The following FLNA variants were observed in gnomAD, a reference collection of about 807,000 sequenced individuals.
The protein encoded by FLNA is filamin A.
In FLNA, 7 loss-of-function variants were observed where a neutral mutation model predicts 157.6. The ratio of observed to expected loss-of-function variants is 0.04; its 90% CI spans 0.03 to 0.08. FLNA has a LOEUF of 0.08. Among genes scored for constraint, FLNA ranks in the 10% least tolerant of loss-of-function variants. The pLI is 1.00. For synonymous variants in FLNA, 1,103 were observed against 1,060.8 expected (o/e 1.04, Z -0.77); for missense variants, 1,750 against 2,398.4 (o/e 0.73, Z 5.65).
chrX:154,352,862 G>A lies in FLNA; in HGVS notation c.6289C>T (p.Leu2097=), dbSNP rs782255283. 2 of 1,211,802 alleles carry A rather than the reference G, an allele frequency of 1.7e-6. No homozygotes were observed. Among genetic ancestry groups the A allele is most frequent in the Admixed American group, 4.3e-5 (2 of 46,117 alleles). ...GTGACCCTGCACGTCCCGTCCTCCA[G>A]GTCCTCTGTGTTGATGTCCACCTTG... ...PSKVDINTED[L]EDGTCRVTYC... The change falls in exon 39 of 48, where the codon CTG becomes TTG. Residue 2097 remains leucine, a synonymous_variant. Coordinates refer to ENST00000369850, the MANE Select transcript of FLNA (RefSeq NM_001110556.2).
rs1603359075 is a variant in FLNA, at chrX:154,352,167, G to A, written c.6769+14C>T. 3 of 1,210,201 alleles carry A rather than the reference G, an allele frequency of 2.5e-6. No homozygotes were observed. Among genetic ancestry groups the A allele is most frequent in the East Asian group, 3.0e-5 (1 of 33,856 alleles). On this transcript the variant is annotated intron_variant, in intron 41 of 47. Coordinates refer to ENST00000369850, the MANE Select transcript of FLNA (RefSeq NM_001110556.2). Reference sequence around the variant, plus strand: ...ACGCAGGAGAGCGAGCACTCGGGGTGTGAGCAGGCCTACCTGGCACTCCAG... The same window carrying A: ...ACGCAGGAGAGCGAGCACTCGGGGTATGAGCAGGCCTACCTGGCACTCCAG...
intron 35 of FLNA, 54 bp downstream of exon 35, chrX:154,353,861 C>A: frequency 8.3e-7 from 1 of 1,208,329 alleles, no homozygotes; most frequent in Non-Finnish European, 1.1e-6. Context: ...CAGCCCTTAC[C>A]CCGGTGAGGG....
At chrX:154,357,182 C>T (rs1338475637) in intron 30 of FLNA, 69 bp downstream of exon 30, 1 of 1,054,506 alleles carries the variant, frequency 9.5e-7, no homozygotes, top group Non-Finnish European at 1.3e-6. Context: ...GGGAATCGGC[C>T]CCAAGAGGAA....
In FLNA at chrX:154,364,978, C is replaced by T. The variant is rs370370918; in HGVS notation, c.1692-21G>A. On this transcript the variant is annotated intron_variant, in intron 11 of 47. Transcript: ENST00000369850. ...AGGGACTGCAAATGCGAGAGCCACA[C>T]AGGGAACACCGAGGATCACCACATG... 2.7e-5 allele frequency: 33 copies of T among 1,209,655 alleles called. No individual in the cohort carries two copies. In the African/African-American group the frequency reaches 5.6e-4, roughly 20 times the overall value.
chrX:154,373,779 C>T (rs1043047564), intron 1 of FLNA, among the ~76,000 whole-genome samples: 11 of 113,363 alleles, frequency 9.7e-5, no homozygotes, highest in African/African-American at 3.5e-4. Flanking sequence ...CAGGTGAGGT[C>T]GCCCATTCCC....
At chrX:154,363,995 A>C in intron 15 of FLNA, 27 bp downstream of exon 15, 1 of 1,206,149 alleles carries the variant, frequency 8.3e-7, no homozygotes, top group Non-Finnish European at 1.1e-6. Context: ...ATCGAGATGG[A>C]CTAAAGGCCG....
chrX:154,350,265 T>C lies in FLNA; in HGVS notation c.7157-58A>G, dbSNP rs2067608877. The C allele has an allele frequency of 6.5e-6, 7 of 1,072,079 alleles. No individual in the cohort carries two copies. The Admixed American group carries it at 1.5e-4, about 23-fold the overall frequency. The allele number at this position is 1,072,079 out of a possible 1,213,427, so 88.4% of individuals were successfully genotyped here. A position where few individuals can be genotyped will look rare whatever the true frequency, so the allele number is the denominator to read the frequency against. On this transcript the variant is annotated intron_variant, in intron 44 of 47. Transcript: ENST00000369850. Reference sequence around the variant, plus strand: ...GGCCCCTCCTCAAACCAGCAGATGGTGTCTGTGAGGAACAGCCTCAACCCT... The same window carrying C: ...GGCCCCTCCTCAAACCAGCAGATGGCGTCTGTGAGGAACAGCCTCAACCCT...
chrX:154,358,652 G>A (rs2067681041), intron 26 of FLNA, 84 bp from the exon 27 acceptor site: 2 of 1,099,956 alleles, frequency 1.8e-6, no homozygotes, highest in Admixed American at 2.2e-5. Context: ...CCAGGACCCA[G>A]CCCCAGGCCT....
At chrX:154,364,994 T>C (rs1569551796) in intron 11 of FLNA, 37 bp from the exon 12 acceptor site, 2 of 1,210,410 alleles carry the variant, frequency 1.7e-6, no homozygotes, top group Non-Finnish European at 1.1e-6. Context: ...ACACCGAGGA[T>C]CACCACATGA....
Position 154,350,835 on chromosome X carries a change from G to A in FLNA, c.7156+74C>T, listed in dbSNP as rs1400908473. The stretch of plus-strand genomic sequence containing the variant: ...CCCCGTCTTGGCTGCTTACAGAAGC[G>A]GTACCTTCCTTTTGTACTCTCAGCC... On this transcript the variant is annotated intron_variant, in intron 44 of 47. Transcript: ENST00000369850. 2.4e-5 allele frequency: 27 copies of A among 1,140,167 alleles called. 1 individual carries two copies. The Admixed American group carries it at 4.4e-4, about 18-fold the overall frequency. 94.0% of individuals were successfully genotyped at this position (1,140,167 alleles called of 1,213,427 possible).
intron 2 of FLNA, among the ~76,000 whole-genome samples, chrX:154,368,397 A>G (rs1485387121): frequency 1.8e-5 from 2 of 112,325 alleles, no homozygotes; most frequent in Non-Finnish European, 3.8e-5. Flanking sequence ...CCCAGCCTGC[A>G]GATGGGCAGC....
Position 154,352,590 on chromosome X carries a change from G to A in FLNA, c.6465C>T (p.Asn2155=), listed in dbSNP as rs782253781. The A allele has an allele frequency of 8.3e-7, 1 of 1,211,539 alleles. No individual in the cohort carries two copies. The highest frequency in any genetic ancestry group is 1.1e-6 in the Non-Finnish European group (1 of 895,506). Residue 2155 remains asparagine, a synonymous_variant, in exon 40 of 48, where the codon AAC becomes AAT. Transcript: ENST00000369850. ...GGCTGAGGTCACAATGACTACCAAC[G>A]TTGGCCACTGAAGGAGCCCGACGCC... is the stretch of plus-strand genomic sequence containing the variant. ...TRRRRAPSVA[N]VGSHCDLSLK... is the part of the protein sequence containing the mutation.
chrX:154,369,883 G>T (rs1376987342), intron 2 of FLNA, among the ~76,000 whole-genome samples: 2 of 112,287 alleles, frequency 1.8e-5, no homozygotes, highest in Admixed American at 9.4e-5. Context: ...TCACTTTCTT[G>T]GGTTCAGCAA....
Position 154,371,262 on chromosome X carries a change from C to CT in FLNA, c.-18_-17insA. The CT allele has an allele frequency of 8.3e-7, 1 of 1,197,954 alleles. No homozygotes were observed. ...GCTACTCATTTTGAGGCGCGAGAAG[C>CT]CGGGGGGGCGGTGCTGCAGCCTCGG... On this transcript the variant is annotated 5_prime_UTR_variant, in exon 2 of 48. Coordinates refer to ENST00000369850, the MANE Select transcript of FLNA (RefSeq NM_001110556.2).
rs782084316 is a variant in FLNA, at chrX:154,360,413, G to A, written c.3382C>T (p.Pro1128Ser). Residue 1128 changes from proline (P) to serine (S), a missense_variant, in exon 22 of 48, where the codon CCC becomes TCC. Physicochemically the swap from Pro to Ser is moderately conservative, Grantham distance 74. This residue lies in a region of FLNA where 648 missense variants were observed against 805.8 expected (regional missense o/e 0.80). Transcript: ENST00000369850. ...ATGTTGTAGTCCCCGGGCTCGGTGG[G>A]CACGTAGGACACGGAACATGTGCCA... is the stretch of plus-strand genomic sequence containing the variant. ...GDGTCSVSYV[P>S]TEPGDYNINI... 8.3e-7 allele frequency: 1 copy of A among 1,210,510 alleles called. No homozygotes were observed. The highest frequency in any genetic ancestry group is 3.0e-5 in the East Asian group (1 of 33,770).
In FLNA at chrX:154,360,489, C is replaced by G. The variant is rs782062750; in HGVS notation, c.3306G>C (p.Leu1102=). ...GCGCCTCACAGGGGCCCTCCACCGT[C>G]AGGCCCAGGCCACCTGTGCCGGCGC... is the stretch of plus-strand genomic sequence containing the variant. ...TKGAGTGGLG[L]TVEGPCEAQL... Residue 1102 remains leucine (L), a synonymous_variant, in exon 22 of 48, where the codon CTG becomes CTC. Coordinates refer to ENST00000369850, the MANE Select transcript of FLNA (RefSeq NM_001110556.2). The G allele has an allele frequency of 8.3e-7, 1 of 1,211,316 alleles. No individual in the cohort carries two copies. The highest frequency in any genetic ancestry group is 2.2e-5 in the Admixed American group (1 of 46,205).
At chrX:154,366,700 G>A in intron 6 of FLNA, 32 bp downstream of exon 6, 1 of 1,199,772 alleles carries the variant, frequency 8.3e-7, no homozygotes, top group Non-Finnish European at 1.1e-6. Flanking sequence ...AGGGAGCGCT[G>A]CGGGGCCTCT....
Position 154,361,751 on chromosome X carries a change from G to A in FLNA, c.2863C>T (p.Pro955Ser). The A allele has an allele frequency of 8.3e-7, 1 of 1,209,621 alleles. No homozygotes were observed. Among genetic ancestry groups the A allele is most frequent in the South Asian group, 1.8e-5 (1 of 56,874 alleles). Reference protein sequence around the residue: ...VGVNVTYGGDPIPKSPFSVAV... With the variant: ...VGVNVTYGGDSIPKSPFSVAV... Reference sequence around the variant, plus strand: ...ACTGAGAAAGGGCTCTTAGGGATGGGATCCCCTCCATAAGTGACATTGACG... The same window carrying A: ...ACTGAGAAAGGGCTCTTAGGGATGGAATCCCCTCCATAAGTGACATTGACG... The change falls in exon 20 of 48, where the codon CCC (proline) becomes TCC (serine). Residue 955 changes from proline (P) to serine (S), a missense_variant. Physicochemically the swap from Pro to Ser is moderately conservative, Grantham distance 74. Transcript: ENST00000369850.
chrX:154,357,483 G>A lies in FLNA; in HGVS notation c.4896C>T (p.Tyr1632=), dbSNP rs782235294. ...CCCCGGTGGGCACGGCACGCACGCG[G>A]TACGGGGAGAAGGGGATCTCGTCAC... ...YGGDEIPFSP[Y]RVRAVPTGDA... is the part of the protein sequence containing the mutation. The change falls in exon 29 of 48, where the codon TAC becomes TAT. Residue 1632 remains tyrosine, a synonymous_variant. Transcript: ENST00000369850. 25 of 1,210,787 alleles carry A rather than the reference G, an allele frequency of 2.1e-5. No individual in the cohort carries two copies. The highest frequency in any genetic ancestry group is 3.5e-5 in the African/African-American group (2 of 57,590).
Sources: allele counts gnomAD v4.1 joint callset (sites outside exome capture counted in the v4.1 genomes callset), GRCh38; gene constraint gnomAD v4.1.1; regional missense constraint gnomAD v4.1.1; transcripts MANE v1.5; gene names NCBI Gene and HGNC (gene_info 2026-07-23, HGNC 2026-07-21).